The following COL7A1 variants were observed in gnomAD, a reference collection of about 807,000 sequenced individuals.
COL7A1 encodes the protein collagen type VII alpha 1 chain.
In COL7A1, 296 loss-of-function variants were observed where a neutral mutation model predicts 456.2. The observed-to-expected ratio is 0.65, with a 90% CI of 0.59 to 0.71. The LOEUF (loss-of-function observed/expected upper bound fraction) is 0.71, where lower values mean the gene tolerates loss of function less well. Among genes scored for constraint, COL7A1 ranks in the 30% least tolerant of loss-of-function variants. The pLI, the probability that COL7A1 is intolerant of heterozygous loss-of-function variation, is 0.00. For synonymous variants in COL7A1, 1,464 were observed against 1,525.9 expected (o/e 0.96, Z 0.95); for missense variants, 3,441 against 4,017.2 (o/e 0.86, Z 3.88).
In COL7A1 at chr3:48,578,200, A is replaced by G. The variant is rs576406708; in HGVS notation, c.5532+121T>C. ...AAACTATGTTTCTGGATGCATCTGT[A>G]TGTCTGGGCCAGGATGCATGTGTCT... On this transcript the variant is annotated intron_variant, in intron 65 of 118. Transcript: ENST00000681320. The surrounding 1 kb of genome is among the most constrained non-coding windows in gnomAD (Gnocchi z 4.7). 6.2e-6 allele frequency: 7 copies of G among 1,129,142 alleles called. No individual in the cohort carries two copies. The South Asian group carries it at 9.3e-5, about 15-fold the overall frequency. 69.9% of individuals were successfully genotyped at this position (1,129,142 alleles called of 1,614,324 possible).
chr3:48,590,205 G>T lies in COL7A1; in HGVS notation c.2050+8C>A, dbSNP rs200654405. 3.5e-5 allele frequency: 56 copies of T among 1,612,740 alleles called. No individual in the cohort carries two copies. The East Asian group carries it at 6.0e-4, about 17-fold the overall frequency. ...GCAGAGAGCCAAGGGACGGGGGCAG[G>T]GCCTGACCCGTTCGAGCCACGATGA... is the stretch of plus-strand genomic sequence containing the variant. On this transcript the variant is annotated splice_region_variant and intron_variant, in intron 16 of 118. Transcript: ENST00000681320. The surrounding 1 kb of genome is among the most constrained non-coding windows in gnomAD (Gnocchi z 4.6).
rs559095140 is a variant in COL7A1 at position 48,565,867 on chromosome 3, T to G, written c.8408-199A>C. Reference sequence around the variant, plus strand: ...GAGAAGAAGGCAGAGGAGAGGGAAGTTGGGAACAGGCCAACAAAAGGCAAG... The same window carrying G: ...GAGAAGAAGGCAGAGGAGAGGGAAGGTGGGAACAGGCCAACAAAAGGCAAG... On this transcript the variant is annotated intron_variant, in intron 114 of 118. Transcript: ENST00000681320. This position sits in a 1 kb window ranked among gnomAD's most constrained non-coding sequence, Gnocchi z 4.5. 6.7e-6 allele frequency among the ~76,000 whole-genome samples: 1 copy of G among 148,478 alleles called. No individual in the cohort carries two copies. Among genetic ancestry groups the G allele is most frequent in the East Asian group, 2.0e-4 (1 of 5,036 alleles).
At position 48,586,640 on chromosome 3, in the gene COL7A1, T is replaced by C; in HGVS notation, c.3326A>G (p.Asn1109Ser). ...GATAATGCCAAGGTCATGGGAGCCATTCAGTGGGAACAGTGGGGAGGGCCG... is the reference window on the plus strand; with the variant it reads ...GATAATGCCAAGGTCATGGGAGCCACTCAGTGGGAACAGTGGGGAGGGCCG... ...SHRPSPLFPL[N>S]GSHDLGIILQ... Residue 1109 changes from asparagine (N) to serine (S), a missense_variant, in exon 26 of 119, where the codon AAT becomes AGT. Coordinates refer to ENST00000681320, the MANE Select transcript of COL7A1 (RefSeq NM_000094.4). The surrounding 1 kb of genome is among the most constrained non-coding windows in gnomAD (Gnocchi z 5.1). The C allele has an allele frequency of 6.2e-7, 1 of 1,613,396 alleles. No individual in the cohort carries two copies. The highest frequency in any genetic ancestry group is 8.5e-7 in the Non-Finnish European group (1 of 1,179,908).
chr3:48,570,420 G>A lies in COL7A1; in HGVS notation c.7380+45C>T. On this transcript the variant is annotated intron_variant, in intron 97 of 118. Coordinates refer to ENST00000681320, the MANE Select transcript of COL7A1 (RefSeq NM_000094.4). This position sits in a 1 kb window ranked among gnomAD's most constrained non-coding sequence, Gnocchi z 5.5. ...GGGAGGTCAGTGGAGGCTGAAGGGG[G>A]TGACCAGGGCACAAGAGAGAGTCAG... 6.2e-7 allele frequency: 1 copy of A among 1,613,992 alleles called. No individual in the cohort carries two copies. Among genetic ancestry groups the A allele is most frequent in the South Asian group, 1.1e-5 (1 of 91,056 alleles).
chr3:48,592,024 G>A lies in COL7A1; in HGVS notation c.1241-10C>T, dbSNP rs751800539. The A allele has an allele frequency of 8.7e-6, 14 of 1,614,198 alleles. No individual in the cohort carries two copies. The highest frequency in any genetic ancestry group is 2.2e-5 in the South Asian group (2 of 91,086). On this transcript the variant is annotated splice_polypyrimidine_tract_variant and intron_variant, in intron 10 of 118. Coordinates refer to ENST00000681320, the MANE Select transcript of COL7A1 (RefSeq NM_000094.4). This position sits in a 1 kb window ranked among gnomAD's most constrained non-coding sequence, Gnocchi z 7.6. ...TGCTCAACAGAAGCGTCTGCCCAGG[G>A]CACATGGGATGTCAGTGGCCTCCGG...
In COL7A1 at chr3:48,567,402, TA is replaced by T; in HGVS notation, c.8046+171del. On this transcript the variant is annotated intron_variant, in intron 109 of 118. Coordinates refer to ENST00000681320, the MANE Select transcript of COL7A1 (RefSeq NM_000094.4). The surrounding 1 kb of genome is among the most constrained non-coding windows in gnomAD (Gnocchi z 4.3). ...CCCTCCACCTCCCATGCTTTCATCCTAACTCCACTGTGACCCCAACCCACCT... is the reference window on the plus strand; with the variant it reads ...CCCTCCACCTCCCATGCTTTCATCCTACTCCACTGTGACCCCAACCCACCT... 1.0e-6 allele frequency: 1 copy of T among 995,938 alleles called. No homozygotes were observed. Among genetic ancestry groups the T allele is most frequent in the African/African-American group, 1.6e-5 (1 of 61,836 alleles). 61.7% of individuals were successfully genotyped at this position (995,938 alleles called of 1,614,324 possible).
Position 48,578,592 on chromosome 3 carries a change from C to T in COL7A1, c.5425-77G>A, listed in dbSNP as rs2044493052. 6.7e-7 allele frequency: 1 copy of T among 1,494,882 alleles called. No individual in the cohort carries two copies. Among genetic ancestry groups the T allele is most frequent in the Non-Finnish European group, 9.3e-7 (1 of 1,078,422 alleles). The allele number at this position is 1,494,882 out of a possible 1,614,324, so 92.6% of individuals were successfully genotyped here. ...GCACACCCCATGGACTAAGAGGACCCCAAAAAGATCTCCCTCCAGGGTAGA... is the reference window on the plus strand; with the variant it reads ...GCACACCCCATGGACTAAGAGGACCTCAAAAAGATCTCCCTCCAGGGTAGA... On this transcript the variant is annotated intron_variant, in intron 63 of 118. Coordinates refer to ENST00000681320, the MANE Select transcript of COL7A1 (RefSeq NM_000094.4). This position sits in a 1 kb window ranked among gnomAD's most constrained non-coding sequence, Gnocchi z 4.7.
In COL7A1 at chr3:48,586,402, C is replaced by T. The variant is rs1198960247; in HGVS notation, c.3480G>A (p.Val1160=). 1 of 1,613,912 alleles carries T rather than the reference C, an allele frequency of 6.2e-7. No homozygotes were observed. The highest frequency in any genetic ancestry group is 1.1e-5 in the South Asian group (1 of 91,082). The part of the protein sequence containing the change: ...APGRRQHVPG[V]MVLLVDEPLR... The stretch of plus-strand genomic sequence containing the variant: ...AGGGTTCATCCACTAGCAGAACCAT[C>T]ACCCCTGGTACGTGCTGGCGGCGCC... Residue 1160 remains valine (V), a synonymous_variant, in exon 27 of 119, where the codon GTG becomes GTA. Coordinates refer to ENST00000681320, the MANE Select transcript of COL7A1 (RefSeq NM_000094.4). This position sits in a 1 kb window ranked among gnomAD's most constrained non-coding sequence, Gnocchi z 5.1.
In COL7A1 at chr3:48,567,353, GC is replaced by G; in HGVS notation, c.8047-164del. 2.1e-6 allele frequency: 2 copies of G among 968,264 alleles called. No homozygotes were observed. The highest frequency in any genetic ancestry group is 1.6e-6 in the Non-Finnish European group (1 of 628,458). The allele number at this position is 968,264 out of a possible 1,614,324, so 60.0% of individuals were successfully genotyped here. Reference sequence around the variant, plus strand: ...TCCCCATGACTCCAACTCCACTATAGCCCCCTGCCCTGATGCACATGCCCCC... The same window carrying G: ...TCCCCATGACTCCAACTCCACTATAGCCCCTGCCCTGATGCACATGCCCCC... On this transcript the variant is annotated intron_variant, in intron 109 of 118. Coordinates refer to ENST00000681320, the MANE Select transcript of COL7A1 (RefSeq NM_000094.4). The surrounding 1 kb of genome is among the most constrained non-coding windows in gnomAD (Gnocchi z 4.3).
intron 44 of COL7A1, 136 bp from the exon 45 acceptor site, chr3:48,582,789 CAGG>C: frequency 8.7e-7 from 1 of 1,149,108 alleles, no homozygotes; most frequent in Non-Finnish European, 1.3e-6. Context: ...TAAGACTTGG[CAGG>C]AGAACAGAGA....
rs1456975167 is a variant in COL7A1 at position 48,586,584 on chromosome 3, C to T, written c.3382G>A (p.Asp1128Asn). ...TCACCCAGGTTGTTCCCACTTGGGT[C>T]CATGTAGGGCATGTCACGGATCCTT... The part of the protein sequence containing the change: ...LQRIRDMPYM[D>N]PSGNNLGTAV... The change falls in exon 26 of 119, where the codon GAC (aspartate) becomes AAC (asparagine). Residue 1128 changes from aspartate to asparagine, a missense_variant. Transcript: ENST00000681320. This position sits in a 1 kb window ranked among gnomAD's most constrained non-coding sequence, Gnocchi z 5.1. 6.2e-7 allele frequency: 1 copy of T among 1,613,642 alleles called. No individual in the cohort carries two copies. The highest frequency in any genetic ancestry group is 1.3e-5 in the African/African-American group (1 of 74,912).
At position 48,576,919 on chromosome 3, in the gene COL7A1, C is replaced by A; in HGVS notation, c.5569G>T (p.Gly1857Ter). The part of the protein sequence containing the change: ...PGDPGEDGRK[G>*]EKGDSGASGR... ...GAGGCGCCTGAATCTCCTTTCTCTC[C>A]CTAAGGAAGACAAGGATGCTTCAGG... Residue 1857 changes from glycine (G) to a stop codon, truncating the protein, a stop_gained and splice_region_variant, in exon 67 of 119, where the codon GGA becomes TGA. Transcript: ENST00000681320. LOFTEE classifies it high-confidence loss of function. The A allele has an allele frequency of 6.2e-7, 1 of 1,614,020 alleles. No individual in the cohort carries two copies. The highest frequency in any genetic ancestry group is 8.5e-7 in the Non-Finnish European group (1 of 1,180,014).
In COL7A1 at chr3:48,576,523, T is replaced by C. The variant is rs770425540; in HGVS notation, c.5735A>G (p.Lys1912Arg). The C allele has an allele frequency of 6.2e-7, 1 of 1,611,446 alleles. No individual in the cohort carries two copies. Among genetic ancestry groups the C allele is most frequent in the African/African-American group, 1.3e-5 (1 of 74,808 alleles). Residue 1912 changes from lysine to arginine, a missense_variant and splice_region_variant, in exon 69 of 119, where the codon AAG (lysine) becomes AGG (arginine). This residue lies in a region of COL7A1 where 2,084 missense variants were observed against 2,501.3 expected (regional missense o/e 0.83). Transcript: ENST00000681320. ...CCCCTACCCAACATCCGCACTCACCTTGGGGCCCGTGCCTCCTGGGACACC... is the reference window on the plus strand; with the variant it reads ...CCCCTACCCAACATCCGCACTCACCCTGGGGCCCGTGCCTCCTGGGACACC... ...FPGVPGGTGP[K>R]GDRGETGSKG...
chr3:48,587,870 G>A lies in COL7A1; in HGVS notation c.2780C>T (p.Ala927Val), dbSNP rs754791755. 30 of 1,612,396 alleles carry A rather than the reference G, an allele frequency of 1.9e-5. No homozygotes were observed. The highest frequency in any genetic ancestry group is 1.2e-4 in the South Asian group (11 of 90,896). The part of the protein sequence containing the change: ...SSYHLDGLEP[A>V]TQYRVRLSVL... The stretch of plus-strand genomic sequence containing the variant: ...ACTCAGCCTCACGCGGTACTGTGTC[G>A]CTGGCTCCAGCCCGTCCAGGTGATA... Residue 927 changes from alanine to valine, a missense_variant, in exon 22 of 119, where the codon GCG becomes GTG. Ala to Val is a moderately conservative substitution (Grantham distance 64). Transcript: ENST00000681320. The surrounding 1 kb of genome is among the most constrained non-coding windows in gnomAD (Gnocchi z 6.1).
chr3:48,583,138 C>T lies in COL7A1; in HGVS notation c.4471G>A (p.Ala1491Thr). The T allele has an allele frequency of 1.2e-6, 2 of 1,613,968 alleles. No individual in the cohort carries two copies. The highest frequency in any genetic ancestry group is 1.7e-6 in the Non-Finnish European group (2 of 1,180,002). ...CAGGTTGCACTTACCTTCTCTCCAG[C>T]CTCACCCAGGGGCCCTGGAAAGCCC... Reference protein sequence around the residue: ...DRGFPGPLGEAGEKGERGPPG... With the variant: ...DRGFPGPLGETGEKGERGPPG... The change falls in exon 43 of 119, where the codon GCT becomes ACT. Residue 1491 changes from alanine to threonine, a missense_variant. Physicochemically the swap from Ala to Thr is moderately conservative, Grantham distance 58 (BLOSUM62 0). Coordinates refer to ENST00000681320, the MANE Select transcript of COL7A1 (RefSeq NM_000094.4). This position sits in a 1 kb window ranked among gnomAD's most constrained non-coding sequence, Gnocchi z 5.1.
chr3:48,571,665 G>C lies in COL7A1; in HGVS notation c.7068+336C>G. On this transcript the variant is annotated intron_variant, in intron 92 of 118. Coordinates refer to ENST00000681320, the MANE Select transcript of COL7A1 (RefSeq NM_000094.4). This position sits in a 1 kb window ranked among gnomAD's most constrained non-coding sequence, Gnocchi z 4.6. ...TGAACGCTGGCAGCCAGGGGCAGGGGAAAGGAGGATTGTAAACACAGGACC... is the reference window on the plus strand; with the variant it reads ...TGAACGCTGGCAGCCAGGGGCAGGGCAAAGGAGGATTGTAAACACAGGACC... 1 of 654,184 alleles carries C rather than the reference G, an allele frequency of 1.5e-6. No homozygotes were observed. 40.5% of individuals were successfully genotyped at this position (654,184 alleles called of 1,614,324 possible).
Position 48,572,133 on chromosome 3 carries a change from G to T in COL7A1, c.7017C>A (p.Gly2339=). ...CAGGGCCAACCCACCTCACCTTCTC[G>T]CCTCGCGGCCCTGGCAGTCCTCGGT... ...KGDRGLPGPR[G]EKGEAGRAGE... is the part of the protein sequence containing the mutation. Residue 2339 remains glycine, a synonymous_variant, in exon 91 of 119, where the codon GGC becomes GGA. Transcript: ENST00000681320. This position sits in a 1 kb window ranked among gnomAD's most constrained non-coding sequence, Gnocchi z 4.6. The T allele has an allele frequency of 6.2e-7, 1 of 1,613,916 alleles. No homozygotes were observed. Among genetic ancestry groups the T allele is most frequent in the Non-Finnish European group, 8.5e-7 (1 of 1,179,970 alleles).
Position 48,593,348 on chromosome 3 carries a change from G to T in COL7A1, c.520+8C>A. On this transcript the variant is annotated splice_region_variant and intron_variant, in intron 5 of 118. Coordinates refer to ENST00000681320, the MANE Select transcript of COL7A1 (RefSeq NM_000094.4). The surrounding 1 kb of genome is among the most constrained non-coding windows in gnomAD (Gnocchi z 4.4). ...CCAGCTGACCTGTCACTCCTGCTCG[G>T]TCCTTACCCACAGCAAATAGCTTGA... The T allele has an allele frequency of 6.2e-7, 1 of 1,613,984 alleles. No individual in the cohort carries two copies. The highest frequency in any genetic ancestry group is 8.5e-7 in the Non-Finnish European group (1 of 1,180,012).
In COL7A1 at chr3:48,595,293, C is replaced by CGCCGCT; in HGVS notation, c.-33_-28dup. ...CTGCGCGTCCGCCCGCTCCCGCCGC[C>CGCCGCT]GCCGCTGCAGTCTCTCGGGCAGAGC... is the stretch of plus-strand genomic sequence containing the variant. On this transcript the variant is annotated 5_prime_UTR_variant, in exon 1 of 119. Coordinates refer to ENST00000681320, the MANE Select transcript of COL7A1 (RefSeq NM_000094.4). 1.4e-6 allele frequency: 1 copy of CGCCGCT among 733,044 alleles called. No homozygotes were observed. Among genetic ancestry groups the CGCCGCT allele is most frequent in the Non-Finnish European group, 2.4e-6 (1 of 419,142 alleles). 45.4% of individuals were successfully genotyped at this position (733,044 alleles called of 1,614,324 possible). A position where few individuals can be genotyped will look rare whatever the true frequency, so the allele number is the denominator to read the frequency against.
Sources: gnomAD v4.1 joint callset for allele counts (sites outside exome capture counted in the v4.1 genomes callset) on GRCh38, gnomAD v4.1.1 for gene constraint, gnomAD v4.1.1 regional missense constraint, Gnocchi (gnomAD v3.1) non-coding constraint, MANE v1.5 for transcripts, NCBI Gene and HGNC (gene_info 2026-07-23, HGNC 2026-07-21) for gene names.